RSRP1: variants seen among roughly 807,000 people sequenced by gnomAD.
RSRP1 encodes arginine/serine-rich protein 1.
In RSRP1, 37 loss-of-function variants were observed where a neutral mutation model predicts 33.0. That is an observed-to-expected ratio of 1.12 (90% CI 0.86 to 1.48). The LOEUF (loss-of-function observed/expected upper bound fraction) is 1.48. Among genes scored for constraint, RSRP1 ranks in the 40% most tolerant of loss-of-function variants. The pLI is 0.00. For missense variants in RSRP1, 402 were observed against 385.3 expected, an observed-to-expected ratio of 1.04 and a Z score of -0.36; for synonymous variants, 167 against 158.7, an observed-to-expected ratio of 1.05 and a Z score of -0.40.
At position 25,282,946 on chromosome 1, in the gene RSRP1, A is replaced by G. The variant is rs1363105069; in HGVS notation, c.-66-35917T>C. Among the ~76,000 whole-genome samples, 2 of 132,208 alleles carry G rather than the reference A, an allele frequency of 1.5e-5. 1 individual carries two copies. The highest frequency in any genetic ancestry group is 1.5e-4 in the Admixed American group (2 of 13,614). The allele number at this position is 132,208 out of a possible 152,430, so 86.7% of individuals were successfully genotyped here. On this transcript the variant is annotated intron_variant, in intron 1 of 1. Transcript: ENST00000561867. ...TGCAGAAAATTTAAACACTAAAACT[A>G]AAAAAGTAAAACACCTCCCAAACTT... is the stretch of plus-strand genomic sequence containing the variant.
chr1:25,252,455 G>A (rs932109754), intron 1 of RSRP1, among the ~76,000 whole-genome samples: 33 of 152,022 alleles, frequency 2.2e-4, no homozygotes, highest in African/African-American at 7.7e-4. Context: ...AACAGCCTAG[G>A]CTCCAGAGTC....
intron 1 of RSRP1, among the ~76,000 whole-genome samples, chr1:25,279,071 C>CGGAGGCAGCTGACCGGA (rs1043362989): frequency 7.7e-6 from 1 of 129,470 alleles, no homozygotes; most frequent in African/African-American, 2.7e-5. Flanking sequence ...TCCAGAATCA[C>CGGAGGCAGCTGACCGGA]GGAGGCAGCT....
Position 25,315,133 on chromosome 1 carries a change from T to C in RSRP1, c.-67+22845A>G, listed in dbSNP as rs112861733. On this transcript the variant is annotated intron_variant, in intron 1 of 1. Transcript: ENST00000561867. ...ATCACGCCACTGCACTCCAGCCTGGTGACACAGCAAGACTCCATCTCAAAA... is the reference window on the plus strand; with the variant it reads ...ATCACGCCACTGCACTCCAGCCTGGCGACACAGCAAGACTCCATCTCAAAA... Among the ~76,000 whole-genome samples the C allele has an allele frequency of 2.6e-3, 335 of 128,172 alleles. 6 individuals are homozygous for C. Among genetic ancestry groups the C allele is most frequent in the African/African-American group, 8.3e-3 (306 of 36,774 alleles). 84.1% of individuals were successfully genotyped at this position (128,172 alleles called of 152,430 possible). A position where few individuals can be genotyped will look rare whatever the true frequency, so the allele number is the denominator to read the frequency against.
At chr1:25,254,696 A>C (rs1639895204) in intron 1 of RSRP1, among the ~76,000 whole-genome samples, 1 of 152,182 alleles carries the variant, frequency 6.6e-6, no homozygotes, top group Admixed American at 6.5e-5. Context: ...AGCCTCCCAG[A>C]GCACTGGGAT....
rs371834528 is a variant in RSRP1, at chr1:25,314,483, G to C, written c.-67+23495C>G. 2.3e-5 allele frequency among the ~76,000 whole-genome samples: 3 copies of C among 131,788 alleles called. 1 individual carries two copies. The highest frequency in any genetic ancestry group is 5.4e-5 in the Non-Finnish European group (3 of 55,568). 86.5% of individuals were successfully genotyped at this position (131,788 alleles called of 152,430 possible). On this transcript the variant is annotated intron_variant, in intron 1 of 1. Coordinates refer to the RSRP1 transcript ENST00000561867. Reference sequence around the variant, plus strand: ...CCTGGATATGAATCCCACTTTGTGCGTTACCTTTTTCCTTCTTTCTTTCTT... The same window carrying C: ...CCTGGATATGAATCCCACTTTGTGCCTTACCTTTTTCCTTCTTTCTTTCTT...
At chr1:25,319,492 C>G (rs1190050284) in intron 1 of RSRP1, among the ~76,000 whole-genome samples, 1 of 131,644 alleles carries the variant, frequency 7.6e-6, no homozygotes, top group Non-Finnish European at 1.8e-5. Context: ...ACCTGTAGTC[C>G]CAGCTGCTCT....
rs4564194 is a variant in RSRP1, at chr1:25,299,107, A to T, written c.-67+38871T>A. ...AAAAAAAAAAAAAAAACAGGCTGGG[A>T]GCAGTGGCTCATGCCTGTAATCCCA... On this transcript the variant is annotated intron_variant, in intron 1 of 1. Coordinates refer to the RSRP1 transcript ENST00000561867. 9.7e-5 allele frequency among the ~76,000 whole-genome samples: 11 copies of T among 112,968 alleles called. 1 individual carries two copies. The highest frequency in any genetic ancestry group is 2.7e-4 in the South Asian group (1 of 3,752). 74.1% of individuals were successfully genotyped at this position (112,968 alleles called of 152,430 possible).
rs1426871351 is a variant in RSRP1, at chr1:25,264,357, C to T, written c.-66-17328G>A. 2.6e-5 allele frequency among the ~76,000 whole-genome samples: 4 copies of T among 151,912 alleles called. 1 individual carries two copies. Among genetic ancestry groups the T allele is most frequent in the African/African-American group, 9.7e-5 (4 of 41,278 alleles). On this transcript the variant is annotated intron_variant, in intron 1 of 1. Coordinates refer to the RSRP1 transcript ENST00000561867. ...TTCCGCACATCCTCTTTAATCTAGGCGAAGGTTTCCAAACCCCAATTCTTG... is the reference window on the plus strand; with the variant it reads ...TTCCGCACATCCTCTTTAATCTAGGTGAAGGTTTCCAAACCCCAATTCTTG...
At chr1:25,255,504 T>C (rs976747254) in intron 1 of RSRP1, among the ~76,000 whole-genome samples, 15 of 152,306 alleles carry the variant, frequency 9.8e-5, no homozygotes, top group South Asian at 2.1e-4. Flanking sequence ...TGGGATCTTA[T>C]AGAGCAGCAG....
intron 1 of RSRP1, among the ~76,000 whole-genome samples, chr1:25,288,002 C>A (rs1415915975): frequency 1.5e-5 from 2 of 132,588 alleles, no homozygotes; most frequent in East Asian, 2.0e-4. Context: ...GGATTACAGG[C>A]GTGAGCCACT....
intron 1 of RSRP1, chr1:25,253,152 T>A (rs1484264947): frequency 6.7e-6 from 1 of 150,112 alleles, no homozygotes; most frequent in Non-Finnish European, 1.5e-5. Flanking sequence ...AGGGGATCTG[T>A]CCACTTTGGC....
chr1:25,296,523 G>A (rs1332292533), intron 1 of RSRP1, among the ~76,000 whole-genome samples: 1 of 126,672 alleles, frequency 7.9e-6, no homozygotes, highest in Non-Finnish European at 1.9e-5. Context: ...GAGATTACAG[G>A]CGTGGGCCAC....
chr1:25,270,004 C>T (rs1226465550), intron 1 of RSRP1, among the ~76,000 whole-genome samples: 3 of 132,218 alleles, frequency 2.3e-5, no homozygotes, highest in Admixed American at 7.3e-5. Context: ...TGCCCTCGGG[C>T]AGGTAGGTGC....
At chr1:25,276,417 A>G (rs755082772) in intron 1 of RSRP1, among the ~76,000 whole-genome samples, 1 of 91,756 alleles carries the variant, frequency 1.1e-5, no homozygotes, top group Non-Finnish European at 2.1e-5. Context: ...ATAGTTAATT[A>G]AAAAAAAAAA....
chr1:25,248,092 A>G (rs1639626649), upstream of RSRP1: 1 of 152,300 alleles, frequency 6.6e-6, no homozygotes, highest in East Asian at 1.9e-4. Flanking sequence ...GAAATGCAGT[A>G]TTAACGTAGA....
rs1055742674 is a variant in RSRP1 at position 25,271,144 on chromosome 1, G to C, written c.-66-24115C>G. The stretch of plus-strand genomic sequence containing the variant: ...CCAACCCCCTGCTAGTGGACATTTA[G>C]GTTAGTCTCAGTTTTTTCCTTCTGT... On this transcript the variant is annotated intron_variant, in intron 1 of 1. Transcript: ENST00000561867. Among the ~76,000 whole-genome samples the C allele has an allele frequency of 1.1e-4, 14 of 132,362 alleles. 5 individuals are homozygous for C. Among genetic ancestry groups the C allele is most frequent in the African/African-American group, 2.1e-4 (8 of 38,774 alleles). 86.8% of individuals were successfully genotyped at this position (132,362 alleles called of 152,430 possible).
At chr1:25,291,004 C>A (rs1289198055) in intron 1 of RSRP1, among the ~76,000 whole-genome samples, 1 of 130,854 alleles carries the variant, frequency 7.6e-6, no homozygotes, top group Non-Finnish European at 1.8e-5. Context: ...TCTAAATTAT[C>A]CAGTTGTGGT....
chr1:25,253,771 G>T (rs1639864329), intron 1 of RSRP1: 1 of 152,424 alleles, frequency 6.6e-6, no homozygotes, highest in South Asian at 2.1e-4. Context: ...TCCTCCACAG[G>T]CCCCTAATCC....
In RSRP1 at chr1:25,246,866, C is replaced by A. The variant is rs1278575959; in HGVS notation, c.98G>T (p.Arg33Leu). 1.9e-6 allele frequency: 3 copies of A among 1,610,722 alleles called. No homozygotes were observed. Among genetic ancestry groups the A allele is most frequent in the South Asian group, 1.1e-5 (1 of 91,044 alleles). The change falls in exon 2 of 5, where the codon CGG becomes CTG. Residue 33 changes from arginine to leucine, a missense_variant. By Grantham distance (102) the Arg-to-Leu change is moderately radical. Coordinates refer to ENST00000243189, the MANE Select transcript of RSRP1 (RefSeq NM_020317.5). ...TCTGGAAAAAGAGCGGCTCCTAGAC[C>A]GCGACGACAGCCGGCTGGACCCGCC... ...RSGGSSRLSS[R>L]SRSRSFSRSS...
Sources: allele counts gnomAD v4.1 joint callset (sites outside exome capture counted in the v4.1 genomes callset), GRCh38; gene constraint gnomAD v4.1.1; transcripts MANE v1.5; gene names NCBI Gene and HGNC (gene_info 2026-07-23, HGNC 2026-07-21).